Variants in AKT3 observed in about 807,000 individuals in gnomAD.
The protein encoded by AKT3 is RAC-gamma serine/threonine-protein kinase.
In AKT3, 15 loss-of-function variants were observed where a neutral mutation model predicts 65.3. That is an observed-to-expected ratio of 0.23 (90% CI 0.15 to 0.35). The LOEUF is 0.35. Ranked by LOEUF, AKT3 falls within the 10% of genes least tolerant of loss-of-function variation. The pLI is 1.00. For synonymous variants in AKT3, 206 were observed against 183.8 expected, an observed-to-expected ratio of 1.12 and a Z score of -0.98; for missense variants, 243 against 576.5, an observed-to-expected ratio of 0.42 and a Z score of 5.92.
chr1:243,556,023 A>G (rs965808179), intron 10 of AKT3, among the ~76,000 whole-genome samples: 1 of 152,180 alleles, frequency 6.6e-6, no homozygotes, highest in Admixed American at 6.5e-5. Flanking sequence ...GGAACATCAA[A>G]AAAATGTAAT....
intron 2 of AKT3, among the ~76,000 whole-genome samples, chr1:243,763,949 T>C (rs1689652748): frequency 1.3e-5 from 2 of 152,074 alleles, no homozygotes; most frequent in South Asian, 2.1e-4. Context: ...AGCAGAATAC[T>C]GAGACTACGA....
rs906204916 is a variant in AKT3, at chr1:243,662,624, T to G, written c.284+2148A>C. Among the ~76,000 whole-genome samples, 92 of 151,356 alleles carry G rather than the reference T, an allele frequency of 6.1e-4. 1 individual carries two copies. Among genetic ancestry groups the G allele is most frequent in the African/African-American group, 2.2e-3 (90 of 41,222 alleles). ...TAATGCTAGATGACGAGTTAGTGGG[T>G]GCAGCGCACCAGCATGGCACATGTA... is the stretch of plus-strand genomic sequence containing the variant. On this transcript the variant is annotated intron_variant, in intron 4 of 13. Transcript: ENST00000673466.
At chr1:243,544,341 A>C (rs1056442289) in intron 12 of AKT3, among the ~76,000 whole-genome samples, 13 of 151,798 alleles carry the variant, frequency 8.6e-5, no homozygotes, top group Non-Finnish European at 1.3e-4. Flanking sequence ...AAGAACAAGA[A>C]GGGTGGGTGC....
intron 2 of AKT3, among the ~76,000 whole-genome samples, chr1:243,712,581 C>A (rs1255480528): frequency 1.3e-5 from 2 of 151,116 alleles, no homozygotes; most frequent in Non-Finnish European, 3.0e-5. Flanking sequence ...CCACATTGGG[C>A]GGAAAAAAGA....
intron 2 of AKT3, among the ~76,000 whole-genome samples, chr1:243,743,191 T>G (rs551696998): frequency 6.6e-6 from 1 of 152,230 alleles, no homozygotes; most frequent in South Asian, 2.1e-4. Context: ...AACTCTGTGT[T>G]CAATGATAAG....
intron 2 of AKT3, among the ~76,000 whole-genome samples, chr1:243,809,764 A>G (rs1693005453): frequency 6.6e-6 from 1 of 152,208 alleles, no homozygotes; most frequent in South Asian, 2.1e-4. Context: ...TTATTCCAAA[A>G]TTGACCACAT....
intron 6 of AKT3, among the ~76,000 whole-genome samples, chr1:243,628,095 G>A (rs1317719893): frequency 6.6e-6 from 1 of 152,178 alleles, no homozygotes; most frequent in Non-Finnish European, 1.5e-5. Context: ...CACATCATTA[G>A]AGAGACGATT....
chr1:243,568,047 C>T (rs909141972), intron 9 of AKT3, among the ~76,000 whole-genome samples: 2 of 152,154 alleles, frequency 1.3e-5, no homozygotes, highest in Non-Finnish European at 2.9e-5. Flanking sequence ...ACATTATTTA[C>T]AGTAGTCATA....
intron 8 of AKT3, among the ~76,000 whole-genome samples, chr1:243,577,669 C>T (rs1024351018): frequency 6.6e-6 from 1 of 152,088 alleles, no homozygotes; most frequent in East Asian, 1.9e-4. Context: ...AAAGCAATTA[C>T]AACAAAAGCA....
Position 243,642,455 on chromosome 1 carries a change from G to T in AKT3, c.429+3438C>A, listed in dbSNP as rs190168835. Among the ~76,000 whole-genome samples the T allele has an allele frequency of 3.3e-4, 50 of 152,202 alleles. No homozygotes were observed. In the East Asian group the frequency reaches 8.7e-3, roughly 26 times the overall value. ...CTCCCGAGTAGCTGGGACTACAGGC[G>T]CCCGCCACCACGCCTGGTTAATTTT... On this transcript the variant is annotated intron_variant, in intron 5 of 13. Transcript: ENST00000673466.
At chr1:243,630,949 G>C (rs1231665744) in intron 6 of AKT3, among the ~76,000 whole-genome samples, 1 of 149,564 alleles carries the variant, frequency 6.7e-6, no homozygotes, top group Non-Finnish European at 1.5e-5. Context: ...AAGAACCAAT[G>C]TTTCATGTCT....
chr1:243,695,330 C>T (rs1244575210), intron 3 of AKT3, among the ~76,000 whole-genome samples: 1 of 151,792 alleles, frequency 6.6e-6, no homozygotes, highest in Non-Finnish European at 1.5e-5. Context: ...TAAACAAAAA[C>T]TTGAAGTATG....
At chr1:243,696,143 G>A (rs1339118032) in intron 2 of AKT3, among the ~76,000 whole-genome samples, 1 of 148,928 alleles carries the variant, frequency 6.7e-6, no homozygotes, top group South Asian at 2.1e-4. Flanking sequence ...CACTAATTGT[G>A]TCTTTTTTTT....
chr1:243,593,683 C>A (rs1031539520), intron 8 of AKT3, among the ~76,000 whole-genome samples: 1 of 152,126 alleles, frequency 6.6e-6, no homozygotes, highest in African/African-American at 2.4e-5. Flanking sequence ...CAGAGTGAGA[C>A]TCCGTGTCTA....
At chr1:243,692,240 C>G (rs1684738976) in intron 3 of AKT3, among the ~76,000 whole-genome samples, 1 of 152,040 alleles carries the variant, frequency 6.6e-6, no homozygotes, top group African/African-American at 2.4e-5. Flanking sequence ...TTGACCTTCC[C>G]CTGAAATAGG....
At chr1:243,545,285 T>A (rs994689068) in intron 12 of AKT3, among the ~76,000 whole-genome samples, 14 of 151,978 alleles carry the variant, frequency 9.2e-5, no homozygotes, top group African/African-American at 3.4e-4. Context: ...GGGAAAAAAA[T>A]AGAAAAATTC....
intron 8 of AKT3, among the ~76,000 whole-genome samples, chr1:243,594,499 G>A (rs757120990): frequency 7.9e-5 from 12 of 152,168 alleles, no homozygotes; most frequent in East Asian, 1.9e-4. Context: ...TCAAGTTAGC[G>A]TGGTACTGAT....
At chr1:243,525,338 C>A (rs1422253851) in intron 12 of AKT3, among the ~76,000 whole-genome samples, 3 of 151,918 alleles carry the variant, frequency 2.0e-5, no homozygotes, top group Non-Finnish European at 2.9e-5. Context: ...TCACAATGCC[C>A]AGGATATATT....
chr1:243,500,232 C>T lies in AKT3; in HGVS notation c.*5017G>A. The T allele has an allele frequency of 8.0e-6, 2 of 250,032 alleles. No homozygotes were observed. The highest frequency in any genetic ancestry group is 2.5e-4 in the South Asian group (2 of 7,990). 15.5% of individuals were successfully genotyped at this position (250,032 alleles called of 1,614,324 possible). A position where few individuals can be genotyped will look rare whatever the true frequency, so the allele number is the denominator to read the frequency against. On this transcript the variant is annotated 3_prime_UTR_variant, in exon 14 of 14. Coordinates refer to ENST00000673466, the MANE Select transcript of AKT3 (RefSeq NM_005465.7). ...ATTTTTCTTTTCATGATCTATATAT[C>T]AATCATCCTTCACCTTTAATCAATG...
Sources: allele counts gnomAD v4.1 joint callset (sites outside exome capture counted in the v4.1 genomes callset), GRCh38; gene constraint gnomAD v4.1.1; transcripts MANE v1.5; gene names NCBI Gene and HGNC (gene_info 2026-07-23, HGNC 2026-07-21).